The following EML6 variants were observed in gnomAD, a reference collection of about 807,000 sequenced individuals.
EML6 encodes the protein EMAP like 6, also known as echinoderm microtubule-associated protein-like 6.
Under a neutral mutation model 240.1 loss-of-function variants are expected in EML6, and 154 were observed. The ratio of observed to expected loss-of-function variants is 0.64; its 90% CI spans 0.56 to 0.73. The LOEUF is 0.73. EML6 is among the 30% of genes least tolerant of loss of function. The probability of loss-of-function intolerance (pLI) is 0.00; values close to 1 mark genes in which losing one functional copy is unlikely to be tolerated. For missense variants in EML6, 2,964 were observed against 2,474.6 expected (o/e 1.20, Z -4.20); for synonymous variants, 1,148 against 899.0 (o/e 1.28, Z -4.95).
intron 28 of EML6, among the ~76,000 whole-genome samples, chr2:54,938,633 A>T (rs751255010): frequency 1.3e-5 from 2 of 152,224 alleles, no homozygotes; most frequent in Non-Finnish European, 2.9e-5. Context: ...ATACTTTGAC[A>T]CGTCCACTAT....
intron 2 of EML6, among the ~76,000 whole-genome samples, chr2:54,726,368 TAATTTCTCAGTGCAGAG>T (rs1682908127): frequency 6.6e-6 from 1 of 152,250 alleles, no homozygotes; most frequent in Admixed American, 6.5e-5. Context: ...TCCATGCTCC[TAATTTCTCAGTGCAGAG>T]AATGATTTCA....
In EML6 at chr2:54,725,578, C is replaced by G. The variant is rs1231804306; in HGVS notation, c.197+320C>G. On this transcript the variant is annotated intron_variant, in intron 2 of 41. Coordinates refer to ENST00000356458, the MANE Select transcript of EML6 (RefSeq NM_001039753.4). This position sits in a 1 kb window ranked among gnomAD's most constrained non-coding sequence, Gnocchi z 4.3. ...AAGGAGCCTGGGTAACTATGAAACACTTCTTCCTTCCCTAACCAGGTGCAC... is the reference window on the plus strand; with the variant it reads ...AAGGAGCCTGGGTAACTATGAAACAGTTCTTCCTTCCCTAACCAGGTGCAC... 2.6e-5 allele frequency among the ~76,000 whole-genome samples: 4 copies of G among 152,200 alleles called. No homozygotes were observed. Among genetic ancestry groups the G allele is most frequent in the African/African-American group, 7.2e-5 (3 of 41,444 alleles).
At chr2:54,948,634 A>T (rs1050934440) in intron 28 of EML6, among the ~76,000 whole-genome samples, 3 of 152,076 alleles carry the variant, frequency 2.0e-5, no homozygotes, top group Non-Finnish European at 4.4e-5. Context: ...AAGCAGAGGG[A>T]GGAGGGCTGA....
At chr2:54,789,069 C>T (rs1224398285) in intron 2 of EML6, among the ~76,000 whole-genome samples, 1 of 152,162 alleles carries the variant, frequency 6.6e-6, no homozygotes, top group Admixed American at 6.5e-5. Flanking sequence ...TATCCTTTCT[C>T]TTTCATGTGT....
intron 28 of EML6, among the ~76,000 whole-genome samples, chr2:54,931,618 G>A (rs577667154): frequency 7.2e-5 from 11 of 152,294 alleles, no homozygotes; most frequent in East Asian, 5.8e-4. Context: ...TGGTGTTCCC[G>A]TCATCGTGCC....
At chr2:54,829,577 G>C in intron 7 of EML6, 100 bp downstream of exon 7, 1 of 901,778 alleles carries the variant, frequency 1.1e-6, no homozygotes, top group East Asian at 2.8e-5. Context: ...TAAAAAGGCA[G>C]TTTATATAAA....
At chr2:54,966,768 A>G (rs1380709092) in intron 38 of EML6, 2 of 342,166 alleles carry the variant, frequency 5.8e-6, no homozygotes, top group South Asian at 4.1e-5. Context: ...GAGAACCGCT[A>G]TCTTAGGACT....
At chr2:54,831,483 A>T (rs1668865941) in intron 7 of EML6, among the ~76,000 whole-genome samples, 2 of 151,704 alleles carry the variant, frequency 1.3e-5, no homozygotes, top group African/African-American at 4.8e-5. Flanking sequence ...GCCAACTCCC[A>T]TCTACAGAGT....
At chr2:54,837,090 C>G (rs879324939) in intron 7 of EML6, among the ~76,000 whole-genome samples, 1 of 152,160 alleles carries the variant, frequency 6.6e-6, no homozygotes, top group Admixed American at 6.5e-5. Context: ...CTCTTCCTCT[C>G]TCTCTTGTTC....
chr2:54,808,720 T>A (rs1670630418), intron 2 of EML6, among the ~76,000 whole-genome samples: 1 of 152,178 alleles, frequency 6.6e-6, no homozygotes, highest in African/African-American at 2.4e-5. Context: ...TTTGTTGTTG[T>A]TGTTAAACTT....
intron 7 of EML6, among the ~76,000 whole-genome samples, chr2:54,830,990 C>G (rs893650022): frequency 1.3e-5 from 2 of 152,092 alleles, no homozygotes; most frequent in African/African-American, 2.4e-5. Context: ...AAGTTCTCTG[C>G]CATAGAGTGT....
chr2:54,788,468 T>A (rs986034243), intron 2 of EML6, among the ~76,000 whole-genome samples: 21 of 150,568 alleles, frequency 1.4e-4, no homozygotes, highest in Non-Finnish European at 1.9e-4. Context: ...GGATTAGGCG[T>A]CCAGCTGGGA....
intron 2 of EML6, among the ~76,000 whole-genome samples, chr2:54,739,447 G>A (rs1397183072): frequency 6.6e-6 from 1 of 152,188 alleles, no homozygotes; most frequent in Non-Finnish European, 1.5e-5. Flanking sequence ...TTTAATCTAA[G>A]TTCATCAACC....
chr2:54,839,353 T>C (rs1049223967), intron 7 of EML6, among the ~76,000 whole-genome samples: 1 of 152,182 alleles, frequency 6.6e-6, no homozygotes, highest in Non-Finnish European at 1.5e-5. Flanking sequence ...TTAAAATGGT[T>C]ATCTAAGGAA....
chr2:54,821,295 T>A (rs973331076), intron 5 of EML6, among the ~76,000 whole-genome samples: 2 of 152,124 alleles, frequency 1.3e-5, no homozygotes, highest in Admixed American at 6.5e-5. Context: ...TCTTACTTGG[T>A]TAGAAGGGGA....
chr2:54,820,578 G>C (rs1668286401), intron 5 of EML6, 116 bp downstream of exon 5: 2 of 620,024 alleles, frequency 3.2e-6, no homozygotes, highest in East Asian at 5.7e-5. Context: ...CTTCAATATA[G>C]AGCCCTCTTA....
intron 2 of EML6, among the ~76,000 whole-genome samples, chr2:54,804,457 G>T (rs962171771): frequency 6.6e-6 from 1 of 152,190 alleles, no homozygotes; most frequent in Non-Finnish European, 1.5e-5. Flanking sequence ...AGAATGCACT[G>T]TAAGACTAGC....
intron 26 of EML6, among the ~76,000 whole-genome samples, chr2:54,924,459 G>GA (rs1417553948): frequency 6.6e-6 from 1 of 152,032 alleles, no homozygotes; most frequent in Non-Finnish European, 1.5e-5. Flanking sequence ...TATTTCTTGA[G>GA]TTCTCTATTT....
Position 54,853,727 on chromosome 2 carries a change from G to A in EML6, c.1529G>A (p.Gly510Glu), listed in dbSNP as rs1251161238. Residue 510 changes from glycine (G) to glutamate (E), a missense_variant, in exon 11 of 42, where the codon GGA (glycine) becomes GAA (glutamate). Physicochemically the swap from Gly to Glu is moderately conservative, Grantham distance 98. Transcript: ENST00000356458. ...TGCGTGAAAGGCCCTGAAGTGAGTG[G>A]AATTTGGCCCAAATACACTGAGGTT... The part of the protein sequence containing the change: ...WTCVKGPEVS[G>E]IWPKYTEVTD... 2 of 1,551,490 alleles carry A rather than the reference G, an allele frequency of 1.3e-6. No individual in the cohort carries two copies. Among genetic ancestry groups the A allele is most frequent in the African/African-American group, 2.7e-5 (2 of 73,040 alleles).
Sources: allele counts gnomAD v4.1 joint callset (sites outside exome capture counted in the v4.1 genomes callset), GRCh38; gene constraint gnomAD v4.1.1; non-coding constraint Gnocchi (gnomAD v3.1); transcripts MANE v1.5; gene names NCBI Gene and HGNC (gene_info 2026-07-23, HGNC 2026-07-21).